ZFAND6: variants seen among roughly 807,000 people sequenced by gnomAD.
ZFAND6 encodes AN1-type zinc finger protein 6.
ZFAND6 carries 12 observed loss-of-function variants against 24.5 expected under a neutral mutation model. That is an observed-to-expected ratio of 0.49 (90% CI 0.31 to 0.79). The LOEUF (loss-of-function observed/expected upper bound fraction) is 0.79. ZFAND6 is among the 30% of genes least tolerant of loss of function. The pLI, the probability that ZFAND6 is intolerant of heterozygous loss-of-function variation, is 0.04. For missense variants in ZFAND6, 207 were observed against 245.9 expected, an observed-to-expected ratio of 0.84 and a Z score of 1.06; for synonymous variants, 92 against 81.5, an observed-to-expected ratio of 1.13 and a Z score of -0.69.
chr15:80,102,091 C>G (rs551678109), intron 2 of ZFAND6, among the ~76,000 whole-genome samples: 25 of 151,764 alleles, frequency 1.6e-4, no homozygotes, highest in African/African-American at 5.8e-4. Flanking sequence ...CCACCACGCC[C>G]GGCCATAAAG....
intron 1 of ZFAND6, among the ~76,000 whole-genome samples, chr15:80,068,170 A>G (rs1444223349): frequency 6.8e-6 from 1 of 146,782 alleles, no homozygotes; most frequent in Non-Finnish European, 1.5e-5. Context: ...TTTTTGAGAC[A>G]TGGTGTTGCC....
intron 2 of ZFAND6, among the ~76,000 whole-genome samples, chr15:80,099,190 CCTTTT>C (rs1378199476): frequency 2.0e-5 from 3 of 151,992 alleles, no homozygotes; most frequent in African/African-American, 7.2e-5. Flanking sequence ...AAAAAAATCT[CCTTTT>C]CTTTCCTTTA....
intron 2 of ZFAND6, among the ~76,000 whole-genome samples, chr15:80,117,001 A>G (rs1454329371): frequency 6.6e-6 from 1 of 152,200 alleles, no homozygotes; most frequent in Non-Finnish European, 1.5e-5. Context: ...TTGGTTGCTT[A>G]GAAAATACTG....
At chr15:80,130,438 A>G (rs538780663) in intron 5 of ZFAND6, 2 of 152,202 alleles carry the variant, frequency 1.3e-5, no homozygotes, top group Non-Finnish European at 2.9e-5. Flanking sequence ...TCCATGGGAA[A>G]TTCCACCATT....
intron 6 of ZFAND6, among the ~76,000 whole-genome samples, chr15:80,133,305 GC>G (rs1392848701): frequency 6.6e-6 from 1 of 151,164 alleles, no homozygotes; most frequent in African/African-American, 2.4e-5. Context: ...CAATTCTCCT[GC>G]CCCAGCCTCC....
chr15:80,113,172 A>G (rs904613016), intron 2 of ZFAND6, among the ~76,000 whole-genome samples: 6 of 152,228 alleles, frequency 3.9e-5, no homozygotes, highest in African/African-American at 1.4e-4. Flanking sequence ...GATAACTTAT[A>G]AGATCAGTCA....
At chr15:80,074,303 T>A (rs1241673658) in intron 1 of ZFAND6, among the ~76,000 whole-genome samples, 1 of 151,914 alleles carries the variant, frequency 6.6e-6, no homozygotes, top group East Asian at 1.9e-4. Flanking sequence ...TTTATATACT[T>A]AGTGTATGTG....
intron 6 of ZFAND6, among the ~76,000 whole-genome samples, chr15:80,132,186 C>T (rs959650329): frequency 4.6e-5 from 7 of 152,120 alleles, no homozygotes; most frequent in African/African-American, 1.4e-4. Context: ...AGAGTTTTTT[C>T]TAATACATTG....
At chr15:80,136,052 G>T (rs2040847476) in intron 6 of ZFAND6, among the ~76,000 whole-genome samples, 1 of 151,958 alleles carries the variant, frequency 6.6e-6, no homozygotes, top group South Asian at 2.1e-4. Context: ...CTTGAGCCCA[G>T]GAGGTCAAGG....
intron 2 of ZFAND6, among the ~76,000 whole-genome samples, chr15:80,116,594 T>G (rs1042832757): frequency 2.0e-5 from 3 of 152,166 alleles, no homozygotes; most frequent in African/African-American, 7.2e-5. Context: ...CTCATATGTA[T>G]TTGGAAAGAA....
chr15:80,088,384 A>T (rs577557775), intron 1 of ZFAND6, among the ~76,000 whole-genome samples: 1 of 152,280 alleles, frequency 6.6e-6, no homozygotes, highest in South Asian at 2.1e-4. Context: ...CTTGACCAAC[A>T]TGGTGAAACC....
intron 1 of ZFAND6, among the ~76,000 whole-genome samples, chr15:80,083,080 C>T (rs1005125782): frequency 5.3e-5 from 8 of 152,272 alleles, no homozygotes; most frequent in East Asian, 1.9e-4. Context: ...CAAGCTCCGC[C>T]TCCTGGGTTC....
At chr15:80,100,934 A>G (rs1045092095) in intron 2 of ZFAND6, among the ~76,000 whole-genome samples, 1 of 152,230 alleles carries the variant, frequency 6.6e-6, no homozygotes, top group Admixed American at 6.5e-5. Flanking sequence ...AAATAGATAC[A>G]GTAATAATTT....
At chr15:80,126,626 A>G (rs1439759183) in intron 5 of ZFAND6, among the ~76,000 whole-genome samples, 1 of 152,224 alleles carries the variant, frequency 6.6e-6, no homozygotes, top group African/African-American at 2.4e-5. Flanking sequence ...GTCATACCAT[A>G]TGCAAAAATT....
chr15:80,078,530 T>C (rs12440875), intron 1 of ZFAND6, among the ~76,000 whole-genome samples: 117,814 of 152,092 alleles, frequency 0.77, 45,873 homozygotes, highest in Admixed American at 0.85. Context: ...AACGAGTGCA[T>C]GTGTCTTTTT....
chr15:80,089,442 G>T (rs1380120336), intron 1 of ZFAND6, among the ~76,000 whole-genome samples: 1 of 151,740 alleles, frequency 6.6e-6, no homozygotes, highest in East Asian at 1.9e-4. Context: ...TCTTAGTAGA[G>T]ATGGGGTTTT....
At chr15:80,100,875 A>G (rs1316623070) in intron 2 of ZFAND6, among the ~76,000 whole-genome samples, 1 of 152,218 alleles carries the variant, frequency 6.6e-6, no homozygotes, top group Non-Finnish European at 1.5e-5. Flanking sequence ...TCTCTGTGAT[A>G]CTGAGCAAAT....
At chr15:80,113,540 C>T (rs1364611433) in intron 2 of ZFAND6, among the ~76,000 whole-genome samples, 1 of 152,134 alleles carries the variant, frequency 6.6e-6, no homozygotes, top group Non-Finnish European at 1.5e-5. Context: ...CATTTTATAA[C>T]TGCCTTGGGC....
intron 1 of ZFAND6, among the ~76,000 whole-genome samples, chr15:80,067,721 G>A (rs1567048205): frequency 1.3e-5 from 2 of 152,078 alleles, no homozygotes; most frequent in African/African-American, 4.8e-5. Flanking sequence ...TGCAATAATA[G>A]ATACTTATCT....
Sources: allele counts gnomAD v4.1 joint callset (sites outside exome capture counted in the v4.1 genomes callset), GRCh38; gene constraint gnomAD v4.1.1; transcripts MANE v1.5; gene names NCBI Gene and HGNC (gene_info 2026-07-23, HGNC 2026-07-21).